ERMP1: variants seen among roughly 807,000 people sequenced by gnomAD.
ERMP1 encodes the protein Felix-ina.
In ERMP1, 86 loss-of-function variants were observed where a neutral mutation model predicts 92.0. The observed-to-expected ratio is 0.93, with a 90% CI of 0.79 to 1.12. ERMP1 has a LOEUF of 1.12. Ranked by LOEUF, ERMP1 falls within the 50% of genes most tolerant of loss-of-function variation. ERMP1 has a pLI of 0.00. For synonymous variants in ERMP1, 530 were observed against 412.8 expected, an observed-to-expected ratio of 1.28 and a Z score of -3.44; for missense variants, 1,342 against 1,116.3, an observed-to-expected ratio of 1.20 and a Z score of -2.88.
intron 8 of ERMP1, 37 bp from the exon 9 acceptor site, chr9:5,805,822 G>C (rs753521583): frequency 1.3e-5 from 20 of 1,504,406 alleles, no homozygotes; most frequent in Non-Finnish European, 1.6e-5. Flanking sequence ...GTCTCATTCA[G>C]GGGTCATGCA....
At chr9:5,823,288 T>C (rs559132792) in intron 4 of ERMP1, among the ~76,000 whole-genome samples, 5 of 151,812 alleles carry the variant, frequency 3.3e-5, no homozygotes, top group Non-Finnish European at 4.4e-5. Context: ...AAAAAAACAA[T>C]AAAATAAAAA....
intron 8 of ERMP1, among the ~76,000 whole-genome samples, chr9:5,806,133 C>G (rs1828861802): frequency 6.6e-6 from 1 of 152,142 alleles, no homozygotes; most frequent in Admixed American, 6.5e-5. Flanking sequence ...ATGCCAATTC[C>G]AAACACTGTT....
At chr9:5,806,578 A>C (rs893155310) in intron 8 of ERMP1, among the ~76,000 whole-genome samples, 1 of 151,644 alleles carries the variant, frequency 6.6e-6, no homozygotes, top group Non-Finnish European at 1.5e-5. Flanking sequence ...ATAGGCACAC[A>C]CCACTACACC....
chr9:5,799,065 C>A (rs1001763468), intron 11 of ERMP1, 57 bp from the exon 12 acceptor site: 11 of 1,240,556 alleles, frequency 8.9e-6, no homozygotes, highest in African/African-American at 7.5e-5. Context: ...ACATTCCCAC[C>A]CCAGATTACA....
In ERMP1 at chr9:5,800,182, A is replaced by T. The variant is rs1346755408; in HGVS notation, c.2067+994T>A. ...AAATAAGAATTATGCAAAATATACA[A>T]TATGTTAGTATGTGTTCACAAACAT... On this transcript the variant is annotated intron_variant, in intron 11 of 14. Coordinates refer to ENST00000339450, the MANE Select transcript of ERMP1 (RefSeq NM_024896.3). Among the ~76,000 whole-genome samples, 3 of 152,354 alleles carry T rather than the reference A, an allele frequency of 2.0e-5. No individual in the cohort carries two copies. In the South Asian group the frequency reaches 6.2e-4, roughly 32 times the overall value.
In ERMP1 at chr9:5,832,848, C is replaced by G. The variant is rs749519783; in HGVS notation, c.180G>C (p.Ala60=). 1.3e-6 allele frequency: 2 copies of G among 1,505,278 alleles called. No individual in the cohort carries two copies. Among genetic ancestry groups the G allele is most frequent in the African/African-American group, 1.4e-5 (1 of 69,006 alleles). The allele number at this position is 1,505,278 out of a possible 1,614,324, so 93.2% of individuals were successfully genotyped here. The change falls in exon 1 of 15, where the codon GCG becomes GCC. Residue 60 remains alanine (A), a synonymous_variant. Transcript: ENST00000339450. ...RKRSPGGSGG[A]SRGAGTGLSE... ...ACAGCCCGGTCCCCGCGCCCCTGCT[C>G]GCGCCGCCGCTACCCCCGGGGCTCC...
At position 5,810,163 on chromosome 9, in the gene ERMP1, C is replaced by G; in HGVS notation, c.1396G>C (p.Val466Leu). Residue 466 changes from valine to leucine, a missense_variant, in exon 8 of 15, where the codon GTT becomes CTT. Val to Leu is a conservative substitution (Grantham distance 32, BLOSUM62 1). Coordinates refer to ENST00000339450, the MANE Select transcript of ERMP1 (RefSeq NM_024896.3). ...ITLISWFTSL[V>L]TVLIIAVFIS... ...AACACTGCTATAATGAGAACGGTAA[C>G]AAGGCTAGTGAACCAGCTGATCAAA... is the stretch of plus-strand genomic sequence containing the variant. 1 of 1,614,070 alleles carries G rather than the reference C, an allele frequency of 6.2e-7. No individual in the cohort carries two copies. The highest frequency in any genetic ancestry group is 8.5e-7 in the Non-Finnish European group (1 of 1,179,990).
chr9:5,788,526 T>C (rs1266103351), intron 13 of ERMP1, among the ~76,000 whole-genome samples: 1 of 152,056 alleles, frequency 6.6e-6, no homozygotes, highest in Non-Finnish European at 1.5e-5. Context: ...TTGAAAGAGA[T>C]AAATATTATT....
intron 4 of ERMP1, among the ~76,000 whole-genome samples, chr9:5,815,784 A>AAAATGTAGT (rs1236877923): frequency 2.0e-5 from 3 of 152,198 alleles, no homozygotes; most frequent in African/African-American, 4.8e-5. Context: ...TCAAACGATG[A>AAAATGTAGT]AAATGTAGTA....
Position 5,811,216 on chromosome 9 carries a change from ACAGGCC to A in ERMP1, c.1216_1221del (p.Gly406_Leu407del). ...ATACGAGAGGGGTAGGCAATGACAA[ACAGGCC>A]CAGCACATCAAAGAAGACCATGTTT... On this transcript the variant is annotated inframe_deletion, in exon 7 of 15. Transcript: ENST00000339450. The A allele has an allele frequency of 6.2e-7, 1 of 1,614,088 alleles. No individual in the cohort carries two copies. Among genetic ancestry groups the A allele is most frequent in the Non-Finnish European group, 8.5e-7 (1 of 1,179,968 alleles).
intron 5 of ERMP1, 28 bp from the exon 6 acceptor site, chr9:5,812,245 G>C: frequency 1.5e-6 from 2 of 1,315,284 alleles, no homozygotes; most frequent in Non-Finnish European, 2.1e-6. Context: ...AAAAAAAAAA[G>C]TCATTTTGCT....
chr9:5,832,668 G>C, intron 1 of ERMP1, 22 bp downstream of exon 1: 1 of 1,402,506 alleles, frequency 7.1e-7, no homozygotes, highest in East Asian at 3.0e-5. Flanking sequence ...CGCGGGCCGT[G>C]CCAGGAGGGA....
At chr9:5,819,566 T>A (rs1012846479) in intron 4 of ERMP1, among the ~76,000 whole-genome samples, 30 of 152,342 alleles carry the variant, frequency 2.0e-4, no homozygotes, top group African/African-American at 7.2e-4. Context: ...TAAAAAATTA[T>A]GTAATCCTCT....
chr9:5,864,767 G>A (rs1830602927), intron 5 of ERMP1, among the ~76,000 whole-genome samples: 1 of 152,178 alleles, frequency 6.6e-6, no homozygotes, highest in South Asian at 2.1e-4. Flanking sequence ...ATTCCCTGAG[G>A]CTCCATTCTG....
At chr9:5,853,059 G>A (rs1405268700) in intron 6 of ERMP1, among the ~76,000 whole-genome samples, 1 of 152,158 alleles carries the variant, frequency 6.6e-6, no homozygotes, top group East Asian at 1.9e-4. Context: ...TGGGCTTCTG[G>A]GGGTGAAAAA....
intron 5 of ERMP1, among the ~76,000 whole-genome samples, chr9:5,866,696 T>C (rs1032349303): frequency 2.6e-5 from 4 of 152,174 alleles, no homozygotes; most frequent in African/African-American, 9.7e-5. Flanking sequence ...TTTGAATTAA[T>C]AGTATTATAA....
At position 5,865,389 on chromosome 9, in the gene ERMP1, T is replaced by A. The variant is rs968894738; in HGVS notation, n.3055+2413A>T. ...TGAGCGCGGTGGCAGGCGCCTGTAG[T>A]CCCAGCTACTTGGGAGGCTGAGGCA... On this transcript the variant is annotated intron_variant and non_coding_transcript_variant, in intron 5 of 6. Coordinates refer to the ERMP1 transcript ENST00000690753. 2.0e-5 allele frequency among the ~76,000 whole-genome samples: 3 copies of A among 152,168 alleles called. No individual in the cohort carries two copies. The South Asian group carries it at 6.2e-4, about 32-fold the overall frequency.
rs537305706 is a variant in ERMP1, at chr9:5,797,954, G to A, written c.2271-22C>T. On this transcript the variant is annotated intron_variant, in intron 12 of 14. Coordinates refer to ENST00000339450, the MANE Select transcript of ERMP1 (RefSeq NM_024896.3). Reference sequence around the variant, plus strand: ...TTTCCTATTTAGAAAGGAAGCTTCAGTTTTAGGGTGCTTTATTATTTGATG... The same window carrying A: ...TTTCCTATTTAGAAAGGAAGCTTCAATTTTAGGGTGCTTTATTATTTGATG... The A allele has an allele frequency of 5.5e-6, 8 of 1,449,678 alleles. No individual in the cohort carries two copies. In the Admixed American group the frequency reaches 1.4e-4, roughly 25 times the overall value. The allele number at this position is 1,449,678 out of a possible 1,614,324, so 89.8% of individuals were successfully genotyped here.
chr9:5,808,966 T>G (rs1232641416), intron 8 of ERMP1, among the ~76,000 whole-genome samples: 3 of 152,160 alleles, frequency 2.0e-5, no homozygotes, highest in Non-Finnish European at 4.4e-5. Flanking sequence ...GCGATCCGCC[T>G]GCCCAGCCTC....
Sources: allele counts gnomAD v4.1 joint callset (sites outside exome capture counted in the v4.1 genomes callset), GRCh38; gene constraint gnomAD v4.1.1; transcripts MANE v1.5; gene names NCBI Gene and HGNC (gene_info 2026-07-23, HGNC 2026-07-21).